Variants in RGS3 observed in about 807,000 individuals in gnomAD.
The protein encoded by RGS3 is regulator of G-protein signalling 3.
Under a neutral mutation model 132.6 loss-of-function variants are expected in RGS3, and 80 were observed. The ratio of observed to expected loss-of-function variants is 0.60; its 90% confidence interval spans 0.50 to 0.73. The LOEUF (loss-of-function observed/expected upper bound fraction) is 0.73. RGS3 is among the 30% of genes least tolerant of loss of function. The pLI is 0.00. For synonymous variants in RGS3, 598 were observed against 620.6 expected (o/e 0.96, Z 0.54); for missense variants, 1,382 against 1,530.8 (o/e 0.90, Z 1.62).
intron 19 of RGS3, 103 bp from the exon 18 acceptor site, chr9:113,583,339 TGGGGGCCC>T: frequency 6.8e-7 from 1 of 1,466,410 alleles, no homozygotes; most frequent in Non-Finnish European, 9.0e-7. Flanking sequence ...GCTTTCAGAC[TGGGGGCCC>T]GGGGTTCAGG....
chr9:113,518,273 G>A (rs1329665779), intron 16 of RGS3, among the ~76,000 whole-genome samples: 1 of 152,244 alleles, frequency 6.6e-6, no homozygotes, highest in Non-Finnish European at 1.5e-5. Context: ...CTGGGGCCAT[G>A]GGGTGAGGGT....
intron 19 of RGS3, chr9:113,581,038 G>GGGGGGGGGGGGC: frequency 6.9e-6 from 1 of 145,840 alleles, no homozygotes; most frequent in Non-Finnish European, 1.5e-5. Flanking sequence ...GGGTCGGGGG[G>GGGGGGGGGGGGC]AGGTCTGGCC....
At chr9:113,536,174 C>T (rs976603812) in intron 18 of RGS3, among the ~76,000 whole-genome samples, 2 of 152,194 alleles carry the variant, frequency 1.3e-5, no homozygotes, top group Non-Finnish European at 2.9e-5. Flanking sequence ...GATGTTGCTG[C>T]CCTCGAGTGA....
At chr9:113,581,038 G>GGC in intron 19 of RGS3, 14 of 145,840 alleles carry the variant, frequency 9.6e-5, no homozygotes, top group Non-Finnish European at 2.1e-4. Context: ...GGGTCGGGGG[G>GGC]AGGTCTGGCC....
intron 19 of RGS3, among the ~76,000 whole-genome samples, chr9:113,573,283 T>C (rs1834369182): frequency 6.6e-6 from 1 of 152,218 alleles, no homozygotes; most frequent in African/African-American, 2.4e-5. Flanking sequence ...CAGTCCTCCC[T>C]ATTCTCAGAG....
In RGS3 at chr9:113,463,663, G is replaced by A. The variant is rs1253458914; in HGVS notation, c.415+1462G>A. 2.2e-6 allele frequency: 3 copies of A among 1,391,598 alleles called. No individual in the cohort carries two copies. The highest frequency in any genetic ancestry group is 3.3e-5 in the Admixed American group (1 of 30,532). The allele number at this position is 1,391,598 out of a possible 1,614,324, so 86.2% of individuals were successfully genotyped here. On this transcript the variant is annotated intron_variant, in intron 3 of 24. Transcript: ENST00000350696. The surrounding 1 kb of genome is among the most constrained non-coding windows in gnomAD (Gnocchi z 4.6). ...AACCCGCGCGGGCCAATCAGGGCCGGGCGCGCCCTGGCCGTTCCAACGCTT... is the reference window on the plus strand; with the variant it reads ...AACCCGCGCGGGCCAATCAGGGCCGAGCGCGCCCTGGCCGTTCCAACGCTT...
chr9:113,520,597 C>T (rs1262967914), intron 16 of RGS3, among the ~76,000 whole-genome samples: 2 of 149,850 alleles, frequency 1.3e-5, no homozygotes, highest in Non-Finnish European at 3.0e-5. Flanking sequence ...ATTGTCGGCT[C>T]CAGCCCTTCC....
intron 19 of RGS3, chr9:113,582,253 G>A: frequency 1.5e-5 from 14 of 954,638 alleles, no homozygotes; most frequent in Non-Finnish European, 1.7e-5. Context: ...GTAAGTCACC[G>A]GCCTTTGGGC....
At chr9:113,586,736 G>A (rs767938342) in intron 20 of RGS3, among the ~76,000 whole-genome samples, 82 of 152,210 alleles carry the variant, frequency 5.4e-4, no homozygotes, top group Non-Finnish European at 9.3e-4. Context: ...CCCCGGATGG[G>A]ACAAACACCG....
exon 16 of RGS3, chr9:113,517,621 C>T (rs374375996): frequency 2.4e-5 from 38 of 1,612,932 alleles, no homozygotes; most frequent in African/African-American, 1.3e-4. Flanking sequence ...ACAAGGCTGC[C>T]GAGGTAAGAC....
chr9:113,528,225 A>C (rs577048181), intron 17 of RGS3, among the ~76,000 whole-genome samples: 6 of 152,248 alleles, frequency 3.9e-5, no homozygotes, highest in Admixed American at 3.9e-4. Flanking sequence ...CTCAACAATG[A>C]CAGTTTGCCT....
intron 19 of RGS3, among the ~76,000 whole-genome samples, chr9:113,552,637 A>T (rs1833388712): frequency 6.6e-6 from 1 of 152,144 alleles, no homozygotes; most frequent in African/African-American, 2.4e-5. Flanking sequence ...TTTATAATTC[A>T]GTCCTTATCT....
At chr9:113,596,701 A>G (rs78186880) in intron 24 of RGS3, 67 bp from the exon 23 acceptor site, 26 of 1,425,244 alleles carry the variant, frequency 1.8e-5, no homozygotes, top group Non-Finnish European at 2.5e-5. Flanking sequence ...GGTCCCTTCC[A>G]GGCACATGGG....
intron 14 of RGS3, among the ~76,000 whole-genome samples, chr9:113,513,715 G>A (rs1383362672): frequency 6.6e-6 from 1 of 152,204 alleles, no homozygotes; most frequent in African/African-American, 2.4e-5. Context: ...AGGGGAGCAG[G>A]ATTTGAGCAC....
At chr9:113,525,062 C>T (rs1158648445) in intron 17 of RGS3, among the ~76,000 whole-genome samples, 1 of 152,088 alleles carries the variant, frequency 6.6e-6, no homozygotes, top group Non-Finnish European at 1.5e-5. Context: ...CTGAGGATGG[C>T]CAAGGCAGTA....
At chr9:113,497,063 G>A (rs1830709192) in intron 8 of RGS3, among the ~76,000 whole-genome samples, 1 of 152,208 alleles carries the variant, frequency 6.6e-6, no homozygotes, top group African/African-American at 2.4e-5. Context: ...GGGGAGACAG[G>A]CAAGTAGATG....
At chr9:113,460,205 C>G, upstream of RGS3, 1 of 1,227,416 alleles carries the variant, frequency 8.1e-7, no homozygotes. Context: ...ATAAATTTCA[C>G]CTTTAACCTT....
chr9:113,583,939 A>C, exon 20 of RGS3: 4 of 1,614,074 alleles, frequency 2.5e-6, no homozygotes, highest in Non-Finnish European at 3.4e-6. Context: ...ACTAGCAGCT[A>C]CTGGGGACCC....
chr9:113,544,417 G>A (rs892963700), intron 19 of RGS3, among the ~76,000 whole-genome samples: 11 of 151,864 alleles, frequency 7.2e-5, no homozygotes, highest in African/African-American at 2.7e-4. Context: ...CTATTTGGGG[G>A]TTGGGACATT....
Sources: allele counts gnomAD v4.1 joint callset (sites outside exome capture counted in the v4.1 genomes callset), GRCh38; gene constraint gnomAD v4.1.1; non-coding constraint Gnocchi (gnomAD v3.1); transcripts MANE v1.5; gene names NCBI Gene and HGNC (gene_info 2026-07-23, HGNC 2026-07-21).